Variants in PCSK2 observed in about 807,000 individuals in gnomAD.
PCSK2 encodes the protein proprotein convertase subtilisin/kexin type 2.
A neutral mutation model predicts 69.7 loss-of-function variants in PCSK2; 14 were observed. The observed-to-expected ratio is 0.20, with a 90% CI of 0.13 to 0.31. PCSK2 has a LOEUF of 0.31. Among genes scored for constraint, PCSK2 ranks in the 10% least tolerant of loss-of-function variants. The pLI is 1.00. For synonymous variants in PCSK2, 307 were observed against 320.7 expected, an observed-to-expected ratio of 0.96 and a Z score of 0.46; for missense variants, 544 against 842.5, an observed-to-expected ratio of 0.65 and a Z score of 4.39.
chr20:17,251,383 C>A (rs971858119), intron 1 of PCSK2, among the ~76,000 whole-genome samples: 1 of 152,162 alleles, frequency 6.6e-6, no homozygotes, highest in Non-Finnish European at 1.5e-5. Flanking sequence ...GGGAATATGG[C>A]TTTTAGTGAA....
chr20:17,253,836 A>T (rs1002833653), intron 1 of PCSK2, among the ~76,000 whole-genome samples: 1 of 152,190 alleles, frequency 6.6e-6, no homozygotes, highest in African/African-American at 2.4e-5. Context: ...ACAGTGTATG[A>T]GGGTTCAAAT....
At chr20:17,242,075 C>T (rs912017670) in intron 1 of PCSK2, among the ~76,000 whole-genome samples, 4 of 152,302 alleles carry the variant, frequency 2.6e-5, no homozygotes, top group African/African-American at 9.6e-5. Flanking sequence ...TAGTTTGAAT[C>T]CCACTATGGA....
intron 2 of PCSK2, among the ~76,000 whole-genome samples, chr20:17,341,131 T>G (rs1156562338): frequency 6.6e-6 from 1 of 152,066 alleles, no homozygotes; most frequent in Non-Finnish European, 1.5e-5. Context: ...TCCCAGCAAC[T>G]TGGGAGGCTG....
At chr20:17,370,435 A>G (rs938350626) in intron 5 of PCSK2, among the ~76,000 whole-genome samples, 9 of 152,222 alleles carry the variant, frequency 5.9e-5, no homozygotes, top group African/African-American at 1.9e-4. Flanking sequence ...AAGAGCATAA[A>G]TTGAGAGGAG....
chr20:17,278,672 T>C (rs889973962), intron 2 of PCSK2, among the ~76,000 whole-genome samples: 4 of 152,070 alleles, frequency 2.6e-5, no homozygotes, highest in African/African-American at 9.7e-5. Context: ...TATACATATG[T>C]AACAAAGCTG....
chr20:17,438,853 G>T (rs118097996), intron 8 of PCSK2, among the ~76,000 whole-genome samples: 1 of 152,200 alleles, frequency 6.6e-6, no homozygotes, highest in Admixed American at 6.5e-5. Context: ...CCCCCTGTGG[G>T]CCAGGCCAAG....
chr20:17,287,503 C>T (rs1207219711), intron 2 of PCSK2, among the ~76,000 whole-genome samples: 1 of 150,568 alleles, frequency 6.6e-6, no homozygotes, highest in African/African-American at 2.5e-5. Context: ...ACAAATGAAG[C>T]TGAGGAAGTA....
At chr20:17,262,728 C>T (rs1987439684) in intron 2 of PCSK2, among the ~76,000 whole-genome samples, 1 of 152,010 alleles carries the variant, frequency 6.6e-6, no homozygotes. Flanking sequence ...TGGGGGTTCT[C>T]AAACACATTC....
At chr20:17,297,238 CCAGA>C (rs1474397004) in intron 2 of PCSK2, among the ~76,000 whole-genome samples, 1 of 152,142 alleles carries the variant, frequency 6.6e-6, no homozygotes, top group Non-Finnish European at 1.5e-5. Context: ...CAGAACAGTG[CCAGA>C]CAGAGACGTG....
chr20:17,370,547 T>C (rs2030729232), intron 5 of PCSK2, among the ~76,000 whole-genome samples: 1 of 152,154 alleles, frequency 6.6e-6, no homozygotes, highest in African/African-American at 2.4e-5. Flanking sequence ...AAAGCTATAT[T>C]CCCAGCAATG....
At chr20:17,430,180 T>G (rs1204790288) in intron 7 of PCSK2, among the ~76,000 whole-genome samples, 1 of 151,964 alleles carries the variant, frequency 6.6e-6, no homozygotes, top group Non-Finnish European at 1.5e-5. Context: ...GGCAAGTCAC[T>G]GGAAATTTAG....
In PCSK2 at chr20:17,332,064, T is replaced by A. The variant is rs1239803067; in HGVS notation, c.283-26263T>A. On this transcript the variant is annotated intron_variant, in intron 2 of 11. Coordinates refer to ENST00000262545, the MANE Select transcript of PCSK2 (RefSeq NM_002594.5). ...GAACCCTTTACATTTGTTAACTTAT[T>A]TAATTTCACGAGAATCCTATAAAAT... Among the ~76,000 whole-genome samples, 6 of 152,214 alleles carry A rather than the reference T, an allele frequency of 3.9e-5. No homozygotes were observed. The East Asian group carries it at 1.2e-3, about 29-fold the overall frequency.
rs1555786543 is a variant in PCSK2, at chr20:17,303,500, A to AT, written c.282+43156_282+43157insT. ...ATATAATATATATTATATTTAATATAATATATATTATATATAATATAATAT... is the reference window on the plus strand; with the variant it reads ...ATATAATATATATTATATTTAATATATATATATATTATATATAATATAATAT... On this transcript the variant is annotated intron_variant, in intron 2 of 11. Coordinates refer to ENST00000262545, the MANE Select transcript of PCSK2 (RefSeq NM_002594.5). 1.3e-3 allele frequency among the ~76,000 whole-genome samples: 46 copies of AT among 36,034 alleles called. 1 individual carries two copies. In the East Asian group the frequency reaches 0.018, roughly 14 times the overall value. 23.6% of individuals were successfully genotyped at this position (36,034 alleles called of 152,430 possible). A position where few individuals can be genotyped will look rare whatever the true frequency, so the allele number is the denominator to read the frequency against.
chr20:17,451,636 G>T (rs2032823859), intron 8 of PCSK2, among the ~76,000 whole-genome samples: 1 of 152,168 alleles, frequency 6.6e-6, no homozygotes. Context: ...AGCCAGCTTG[G>T]AGTCTAGGGG....
At chr20:17,325,148 T>TGTCAATCA (rs1990002983) in intron 2 of PCSK2, among the ~76,000 whole-genome samples, 1 of 152,136 alleles carries the variant, frequency 6.6e-6, no homozygotes, top group Non-Finnish European at 1.5e-5. Context: ...TAATTGCATG[T>TGTCAATCA]CATTTGCCTC....
At chr20:17,240,732 C>A (rs962842291) in intron 1 of PCSK2, among the ~76,000 whole-genome samples, 1 of 152,204 alleles carries the variant, frequency 6.6e-6, no homozygotes, top group African/African-American at 2.4e-5. Context: ...TGATATAAAT[C>A]AGTGGTTCAG....
chr20:17,323,239 T>C (rs1365184766), intron 2 of PCSK2, among the ~76,000 whole-genome samples: 6 of 152,086 alleles, frequency 3.9e-5, no homozygotes, highest in Non-Finnish European at 7.3e-5. Context: ...ATTCAGACCA[T>C]AGCAAATAGT....
intron 1 of PCSK2, among the ~76,000 whole-genome samples, chr20:17,232,028 T>C (rs888732341): frequency 2.0e-5 from 3 of 152,216 alleles, no homozygotes; most frequent in African/African-American, 7.2e-5. Context: ...GTTTTCCTTT[T>C]GGTTCTTCTG....
In PCSK2 at chr20:17,347,932, AAG is replaced by A. The variant is rs796199649; in HGVS notation, c.283-10391_283-10390del. 5.5e-5 allele frequency among the ~76,000 whole-genome samples: 3 copies of A among 54,206 alleles called. 1 individual carries two copies. Among genetic ancestry groups the A allele is most frequent in the East Asian group, 1.0e-3 (2 of 2,002 alleles). 35.6% of individuals were successfully genotyped at this position (54,206 alleles called of 152,430 possible). On this transcript the variant is annotated intron_variant, in intron 2 of 11. Coordinates refer to ENST00000262545, the MANE Select transcript of PCSK2 (RefSeq NM_002594.5). ...AGAAAGAAAGAAAGGAGAGAGAAAA[AAG>A]AGAAAGAAAGAAAGAAAGAAAGAAA...
Sources: gnomAD v4.1 joint callset for allele counts (sites outside exome capture counted in the v4.1 genomes callset) on GRCh38, gnomAD v4.1.1 for gene constraint, MANE v1.5 for transcripts, NCBI Gene and HGNC (gene_info 2026-07-23, HGNC 2026-07-21) for gene names.